Variants in RASA3 observed in about 807,000 individuals in gnomAD.
RASA3 encodes the protein ras GTPase-activating protein 3.
Under a neutral mutation model 110.0 loss-of-function variants are expected in RASA3, and 73 were observed. That is an observed-to-expected ratio of 0.66 (90% confidence interval 0.55 to 0.81). The LOEUF is 0.81. Among genes scored for constraint, RASA3 ranks in the 30% least tolerant of loss-of-function variants. The probability of loss-of-function intolerance (pLI) is 0.00; values close to 1 mark genes in which losing one functional copy is unlikely to be tolerated. For missense variants in RASA3, 976 were observed against 1,113.2 expected (o/e 0.88, Z 1.75); for synonymous variants, 500 against 451.4 (o/e 1.11, Z -1.37).
At chr13:114,000,310 G>T (rs1021923846) in intron 19 of RASA3, among the ~76,000 whole-genome samples, 1 of 152,100 alleles carries the variant, frequency 6.6e-6, no homozygotes, top group African/African-American at 2.4e-5. Flanking sequence ...ACCTGGCCCT[G>T]CCATGCACCC....
chr13:114,019,005 G>A, intron 9 of RASA3, 86 bp from the exon 10 acceptor site: 1 of 1,524,718 alleles, frequency 6.6e-7, no homozygotes, highest in Non-Finnish European at 9.0e-7. Context: ...GCCTGCTTGA[G>A]GTCGACTGGT....
At chr13:114,101,754 C>G (rs932105923) in intron 1 of RASA3, among the ~76,000 whole-genome samples, 1 of 152,158 alleles carries the variant, frequency 6.6e-6, no homozygotes, top group Non-Finnish European at 1.5e-5. Context: ...TGGCTGCACC[C>G]GGGGTCCTGG....
chr13:114,015,480 T>C, intron 13 of RASA3, 148 bp from the exon 14 acceptor site: 1 of 951,250 alleles, frequency 1.1e-6, no homozygotes, highest in Non-Finnish European at 1.5e-6. Context: ...GAACAGCCAC[T>C]CCCTGGAAAT....
At chr13:114,082,944 T>C (rs2079806330) in intron 1 of RASA3, among the ~76,000 whole-genome samples, 1 of 152,242 alleles carries the variant, frequency 6.6e-6, no homozygotes, top group Non-Finnish European at 1.5e-5. Context: ...AGCAAACTCT[T>C]GTCTCTAAGC....
At chr13:114,029,778 G>A in intron 5 of RASA3, 33 bp downstream of exon 5, 1 of 1,564,072 alleles carries the variant, frequency 6.4e-7, no homozygotes, top group South Asian at 1.2e-5. Flanking sequence ...GCCACTCGCT[G>A]TGCGCTCGGT....
intron 1 of RASA3, among the ~76,000 whole-genome samples, chr13:114,083,581 G>A (rs1432778173): frequency 1.4e-5 from 2 of 141,974 alleles, no homozygotes; most frequent in East Asian, 2.1e-4. Flanking sequence ...CTGGAGTATC[G>A]ACTCCCTTCG....
chr13:114,103,584 G>GA (rs1160436076), intron 1 of RASA3, among the ~76,000 whole-genome samples: 11 of 25,030 alleles, frequency 4.4e-4, no homozygotes, highest in Non-Finnish European at 8.0e-4. Flanking sequence ...TGCTGCCACA[G>GA]CCACGGACAC....
intron 4 of RASA3, among the ~76,000 whole-genome samples, chr13:114,035,436 G>A (rs1427274173): frequency 2.0e-5 from 3 of 152,208 alleles, no homozygotes; most frequent in Admixed American, 6.5e-5. Context: ...GGCCCTGGGC[G>A]GGGGCTGCTG....
rs1594452063 is a variant in RASA3 at position 114,099,311 on chromosome 13, C to A, written c.56-25474G>T. On this transcript the variant is annotated intron_variant, in intron 1 of 23. Coordinates refer to ENST00000334062, the MANE Select transcript of RASA3 (RefSeq NM_007368.4). ...GCTGAGGCCTGAGCCGGGGACGAAGCTCCTCCCTGCATGGGGACACGCGGG... is the reference window on the plus strand; with the variant it reads ...GCTGAGGCCTGAGCCGGGGACGAAGATCCTCCCTGCATGGGGACACGCGGG... Among the ~76,000 whole-genome samples the A allele has an allele frequency of 2.0e-5, 3 of 152,066 alleles. No individual in the cohort carries two copies. The East Asian group carries it at 5.8e-4, about 29-fold the overall frequency.
At chr13:114,030,249 AAAC>A (rs1274161641) in intron 4 of RASA3, among the ~76,000 whole-genome samples, 1 of 152,246 alleles carries the variant, frequency 6.6e-6, no homozygotes. Flanking sequence ...CCGTCGGGAC[AAAC>A]CAGAGGGGAA....
At chr13:114,024,177 T>G in intron 8 of RASA3, 102 bp downstream of exon 8, 1 of 1,155,080 alleles carries the variant, frequency 8.7e-7, no homozygotes, top group Non-Finnish European at 1.3e-6. Flanking sequence ...AAATGGAAAT[T>G]CATTTCTATC....
intron 1 of RASA3, among the ~76,000 whole-genome samples, chr13:114,103,470 C>T (rs1015971935): frequency 3.9e-5 from 6 of 152,178 alleles, no homozygotes; most frequent in East Asian, 1.9e-4. Context: ...AGAACCAAGC[C>T]GCCGAGGAGC....
At chr13:114,016,916 G>A (rs1199589161) in intron 12 of RASA3, among the ~76,000 whole-genome samples, 1 of 152,218 alleles carries the variant, frequency 6.6e-6, no homozygotes, top group African/African-American at 2.4e-5. Context: ...ACGCAGCCAG[G>A]GCCCAAACAC....
intron 6 of RASA3, 78 bp from the exon 7 acceptor site, chr13:114,027,539 C>A: frequency 9.2e-7 from 1 of 1,086,596 alleles, no homozygotes; most frequent in Non-Finnish European, 1.4e-6. Context: ...ACCGAGCTCT[C>A]AAATGCACAA....
chr13:114,123,161 A>C (rs2080401928), intron 1 of RASA3, among the ~76,000 whole-genome samples: 2 of 152,188 alleles, frequency 1.3e-5, no homozygotes. Context: ...TGTCCTGCAC[A>C]GTCACCACCG....
intron 22 of RASA3, among the ~76,000 whole-genome samples, chr13:113,989,430 TCTCACCCATCCGTCCATCCACCCGTCA>T (rs1422502224): frequency 1.9e-5 from 2 of 105,350 alleles, no homozygotes; most frequent in Admixed American, 9.7e-5. Flanking sequence ...TCCACCCATC[TCTCACCCATCCGTCCATCCACCCGTCA>T]CTCACCCATC....
At chr13:114,002,804 C>A (rs573411879) in intron 18 of RASA3, among the ~76,000 whole-genome samples, 3 of 152,288 alleles carry the variant, frequency 2.0e-5, no homozygotes, top group Admixed American at 6.5e-5. Flanking sequence ...GGGCCCATCG[C>A]GCGTGTGGGA....
At chr13:114,030,546 TCACA>T (rs2054142391) in intron 4 of RASA3, among the ~76,000 whole-genome samples, 1 of 128,436 alleles carries the variant, frequency 7.8e-6, no homozygotes, top group Non-Finnish European at 1.8e-5. Flanking sequence ...AGGGCAAGAC[TCACA>T]CAGACAGCAA....
intron 3 of RASA3, among the ~76,000 whole-genome samples, 178 bp from the exon 4 acceptor site, chr13:114,041,272 G>T (rs1371444267): frequency 6.6e-6 from 1 of 152,286 alleles, no homozygotes; most frequent in Non-Finnish European, 1.5e-5. Flanking sequence ...GCCCAGGGGG[G>T]AGGGTCGCTT....
Sources: gnomAD v4.1 joint callset for allele counts (sites outside exome capture counted in the v4.1 genomes callset) on GRCh38, gnomAD v4.1.1 for gene constraint, MANE v1.5 for transcripts, NCBI Gene and HGNC (gene_info 2026-07-23, HGNC 2026-07-21) for gene names.